CTU1: variants seen among roughly 807,000 people sequenced by gnomAD.
The protein encoded by CTU1 is cytoplasmic tRNA 2-thiolation protein 1.
In CTU1, 15 loss-of-function variants were observed where a neutral mutation model predicts 12.9. That is an observed-to-expected ratio of 1.16 (90% CI 0.78 to 1.79). CTU1 has a LOEUF of 1.79. Among genes scored for constraint, CTU1 ranks in the 40% most tolerant of loss-of-function variants. CTU1 has a pLI of 0.00. For synonymous variants in CTU1, 295 were observed against 275.6 expected, an observed-to-expected ratio of 1.07 and a Z score of -0.70; for missense variants, 553 against 550.5, an observed-to-expected ratio of 1.00 and a Z score of -0.05.
intron 2 of CTU1, among the ~76,000 whole-genome samples, chr19:51,100,844 A>G (rs1009683894): frequency 6.6e-6 from 1 of 152,176 alleles, no homozygotes; most frequent in African/African-American, 2.4e-5. Context: ...TACAGCAGCC[A>G]GAGAAAACAA....
In CTU1 at chr19:51,099,208, G is replaced by A. The variant is rs891330356; in HGVS notation, c.509-69C>T. The A allele has an allele frequency of 3.8e-5, 53 of 1,395,998 alleles. No individual in the cohort carries two copies. In the African/African-American group the frequency reaches 4.2e-4, roughly 11 times the overall value. 86.5% of individuals were successfully genotyped at this position (1,395,998 alleles called of 1,614,324 possible). On this transcript the variant is annotated intron_variant, in intron 2 of 2. Transcript: ENST00000421832. ...CGCTGCTGGCCAGGGAGCCCCCCGG[G>A]GAACCAAGGGTCCACCAGGACCCAG...
At chr19:51,101,906 G>A (rs937552526) in intron 2 of CTU1, among the ~76,000 whole-genome samples, 5 of 152,138 alleles carry the variant, frequency 3.3e-5, no homozygotes, top group Non-Finnish European at 7.4e-5. Flanking sequence ...AAATCACCTT[G>A]CAAGTCAGGG....
chr19:51,099,065 C>G lies in CTU1; in HGVS notation c.583G>C (p.Gly195Arg), dbSNP rs1427787420. ...LRGDAGRLAR[G>R]GGLGSPGEGG... ...TCGCCGGGAGAGCCCAGGCCCCCGC[C>G]CCGGGCCAGCCGCCCCGCGTCGCCC... Residue 195 changes from glycine (G) to arginine (R), a missense_variant, in exon 3 of 3, where the codon GGC becomes CGC. By Grantham distance (125) the Gly-to-Arg change is moderately radical. Around this residue, in one of 2 missense-constraint regions of CTU1, gnomAD observed 500 missense variants for 458.5 expected, o/e 1.09. Coordinates refer to ENST00000421832, the MANE Select transcript of CTU1 (RefSeq NM_145232.4). The G allele has an allele frequency of 2.0e-6, 3 of 1,520,660 alleles. No homozygotes were observed. The highest frequency in any genetic ancestry group is 4.1e-5 in the Admixed American group (2 of 48,738). The allele number at this position is 1,520,660 out of a possible 1,614,324, so 94.2% of individuals were successfully genotyped here.
At chr19:51,106,631 G>A (rs949172723) in intron 1 of CTU1, among the ~76,000 whole-genome samples, 1 of 151,608 alleles carries the variant, frequency 6.6e-6, no homozygotes, top group African/African-American at 2.4e-5. Flanking sequence ...TTAGCCACCC[G>A]AGTAACTGGG....
chr19:51,100,489 T>C (rs1384776931), intron 2 of CTU1, among the ~76,000 whole-genome samples: 2 of 152,012 alleles, frequency 1.3e-5, no homozygotes, highest in African/African-American at 4.8e-5. Flanking sequence ...CAGGCACCTG[T>C]AACCCCAGCT....
chr19:51,098,926 G>A lies in CTU1; in HGVS notation c.722C>T (p.Pro241Leu). The A allele has an allele frequency of 6.5e-7, 1 of 1,532,048 alleles. No homozygotes were observed. The highest frequency in any genetic ancestry group is 2.6e-5 in the East Asian group (1 of 39,126). The allele number at this position is 1,532,048 out of a possible 1,614,324, so 94.9% of individuals were successfully genotyped here. ...DYFSEECVYA[P>L]EAFRGHARDL... is the part of the protein sequence containing the mutation. ...CCGGGCGTGGCCGCGGAAGGCCTCG[G>A]GCGCGTAGACGCACTCCTCGGAGAA... is the stretch of plus-strand genomic sequence containing the variant. Residue 241 changes from proline to leucine, a missense_variant, in exon 3 of 3, where the codon CCC becomes CTC. Around this residue, in one of 2 missense-constraint regions of CTU1, gnomAD observed 500 missense variants for 458.5 expected, o/e 1.09. Transcript: ENST00000421832. This position sits in a 1 kb window ranked among gnomAD's most constrained non-coding sequence, Gnocchi z 4.3.
intron 2 of CTU1, among the ~76,000 whole-genome samples, chr19:51,101,717 AACG>A (rs1458700912): frequency 4.6e-5 from 7 of 152,154 alleles, no homozygotes; most frequent in African/African-American, 7.2e-5. Flanking sequence ...TGCTACTGCA[AACG>A]ACATCTCGTT....
chr19:51,106,751 C>A (rs953190002), intron 1 of CTU1, among the ~76,000 whole-genome samples: 1 of 151,336 alleles, frequency 6.6e-6, no homozygotes, highest in African/African-American at 2.4e-5. Context: ...CTCCTGACCT[C>A]AAGTGATCCG....
chr19:51,103,837 C>G (rs1308766086), intron 2 of CTU1, among the ~76,000 whole-genome samples: 1 of 152,210 alleles, frequency 6.6e-6, no homozygotes, highest in Admixed American at 6.5e-5. Context: ...CACTGCCTGG[C>G]CCCTCTGTCT....
chr19:51,106,056 A>G lies in CTU1; in HGVS notation c.-21-1466T>C, dbSNP rs571980901. On this transcript the variant is annotated intron_variant, in intron 1 of 2. Transcript: ENST00000421832. ...GCCTCCTCTACAAACACTCCTTCACATAACAGCCAGTGGGATCATGCCCTG... is the reference window on the plus strand; with the variant it reads ...GCCTCCTCTACAAACACTCCTTCACGTAACAGCCAGTGGGATCATGCCCTG... Among the ~76,000 whole-genome samples, 12 of 152,260 alleles carry G rather than the reference A, an allele frequency of 7.9e-5. No individual in the cohort carries two copies. The East Asian group carries it at 2.3e-3, about 29-fold the overall frequency.
chr19:51,104,509 A>C lies in CTU1; in HGVS notation c.61T>G (p.Ser21Ala). 1 of 1,282,888 alleles carries C rather than the reference A, an allele frequency of 7.8e-7. No homozygotes were observed. The highest frequency in any genetic ancestry group is 1.5e-5 in the African/African-American group (1 of 64,704). The allele number at this position is 1,282,888 out of a possible 1,614,324, so 79.5% of individuals were successfully genotyped here. Residue 21 changes from serine to alanine, a missense_variant, in exon 2 of 3, where the codon TCG becomes GCG. Coordinates refer to ENST00000421832, the MANE Select transcript of CTU1 (RefSeq NM_145232.4). Reference sequence around the variant, plus strand: ...CAGGCACCGCACAGCGCTTGGCCCGAGAGCGGACGGCGGAGGGCGGCGCGT... The same window carrying C: ...CAGGCACCGCACAGCGCTTGGCCCGCGAGCGGACGGCGGAGGGCGGCGCGT... The part of the protein sequence containing the change: ...AARAALRRPL[S>A]GQALCGACFC...
chr19:51,103,539 C>T (rs2091911954), intron 2 of CTU1, among the ~76,000 whole-genome samples: 1 of 144,080 alleles, frequency 6.9e-6, no homozygotes, highest in South Asian at 2.2e-4. Context: ...AAGCCGAGAT[C>T]GCACCACTGC....
chr19:51,098,754 G>A lies in CTU1; in HGVS notation c.894C>T (p.Leu298=). Residue 298 remains leucine, a synonymous_variant, in exon 3 of 3, where the codon CTC becomes CTT. Coordinates refer to ENST00000421832, the MANE Select transcript of CTU1 (RefSeq NM_145232.4). This position sits in a 1 kb window ranked among gnomAD's most constrained non-coding sequence, Gnocchi z 4.3. ...SRCGALASRA[L]CQACALLDGL... is the part of the protein sequence containing the mutation. ...CGTCCAGGAGCGCGCAGGCCTGGCA[G>A]AGCGCGCGGCTGGCCAGCGCCCCAC... 4.4e-6 allele frequency: 5 copies of A among 1,141,630 alleles called. No individual in the cohort carries two copies. Among genetic ancestry groups the A allele is most frequent in the African/African-American group, 1.7e-5 (1 of 60,408 alleles). The allele number at this position is 1,141,630 out of a possible 1,614,324, so 70.7% of individuals were successfully genotyped here. A position where few individuals can be genotyped will look rare whatever the true frequency, so the allele number is the denominator to read the frequency against.
At position 51,104,391 on chromosome 19, in the gene CTU1, C is replaced by T. The variant is rs2091914841; in HGVS notation, c.179G>A (p.Gly60Asp). Reference protein sequence around the residue: ...PGAVVAVGASGGKDSTVLAHV... With the variant: ...PGAVVAVGASDGKDSTVLAHV... ...CGCCAGCACCGTGGAGTCCTTGCCG[C>T]CCGAGGCGCCCACGGCCACCACCGC... Residue 60 changes from glycine to aspartate, a missense_variant, in exon 2 of 3, where the codon GGC becomes GAC. Transcript: ENST00000421832. 8 of 1,284,322 alleles carry T rather than the reference C, an allele frequency of 6.2e-6. No individual in the cohort carries two copies. Among genetic ancestry groups the T allele is most frequent in the African/African-American group, 3.2e-5 (2 of 62,028 alleles). The allele number at this position is 1,284,322 out of a possible 1,614,324, so 79.6% of individuals were successfully genotyped here.
chr19:51,104,712 G>C, intron 1 of CTU1, 122 bp from the exon 2 acceptor site: 1 of 739,450 alleles, frequency 1.4e-6, no homozygotes, highest in Non-Finnish European at 1.8e-6. Context: ...GTGTGCGCGA[G>C]TGGAGTAGCT....
In CTU1 at chr19:51,098,987, C is replaced by A; in HGVS notation, c.661G>T (p.Val221Leu). Residue 221 changes from valine (V) to leucine (L), a missense_variant, in exon 3 of 3, where the codon GTG (valine) becomes TTG (leucine). Physicochemically the swap from Val to Leu is conservative, Grantham distance 32 (BLOSUM62 1). Around this residue, in one of 2 missense-constraint regions of CTU1, gnomAD observed 500 missense variants for 458.5 expected, o/e 1.09. Coordinates refer to ENST00000421832, the MANE Select transcript of CTU1 (RefSeq NM_145232.4). This position sits in a 1 kb window ranked among gnomAD's most constrained non-coding sequence, Gnocchi z 4.3. ...CGGCGGAAGTGCGCGTACAGCACCACCTCCTTCTGCGAGGCGAACTGCAGC... is the reference window on the plus strand; with the variant it reads ...CGGCGGAAGTGCGCGTACAGCACCAACTCCTTCTGCGAGGCGAACTGCAGC... ...RPLQFASQKE[V>L]VLYAHFRRLD... The A allele has an allele frequency of 6.5e-7, 1 of 1,541,842 alleles. No homozygotes were observed. Among genetic ancestry groups the A allele is most frequent in the Non-Finnish European group, 8.7e-7 (1 of 1,150,170 alleles).
intron 2 of CTU1, among the ~76,000 whole-genome samples, chr19:51,102,252 C>T (rs538850260): frequency 3.3e-5 from 5 of 152,228 alleles, no homozygotes; most frequent in Non-Finnish European, 5.9e-5. Flanking sequence ...TTCCGCCTGC[C>T]TCAGCCTCCC....
In CTU1 at chr19:51,099,058, C is replaced by A; in HGVS notation, c.590G>T (p.Gly197Val). ...GDAGRLARGG[G>V]LGSPGEGGAL... ...GCCCCCCTCGCCGGGAGAGCCCAGG[C>A]CCCCGCCCCGGGCCAGCCGCCCCGC... Residue 197 changes from glycine (G) to valine (V), a missense_variant, in exon 3 of 3, where the codon GGC becomes GTC. This residue lies in a region of CTU1 where 500 missense variants were observed against 458.5 expected (regional missense o/e 1.09). Coordinates refer to ENST00000421832, the MANE Select transcript of CTU1 (RefSeq NM_145232.4). 6.6e-7 allele frequency: 1 copy of A among 1,517,466 alleles called. No individual in the cohort carries two copies. Among genetic ancestry groups the A allele is most frequent in the South Asian group, 1.2e-5 (1 of 83,658 alleles). 94.0% of individuals were successfully genotyped at this position (1,517,466 alleles called of 1,614,324 possible).
chr19:51,103,584 CAAAAAA>C (rs746986273), intron 2 of CTU1, among the ~76,000 whole-genome samples: 1 of 96,260 alleles, frequency 1.0e-5, no homozygotes, highest in Non-Finnish European at 2.1e-5. Context: ...GACTCTGTCT[CAAAAAA>C]AAAAAAAAAA....
Sources: allele counts gnomAD v4.1 joint callset (sites outside exome capture counted in the v4.1 genomes callset), GRCh38; gene constraint gnomAD v4.1.1; regional missense constraint gnomAD v4.1.1; non-coding constraint Gnocchi (gnomAD v3.1); transcripts MANE v1.5; gene names NCBI Gene and HGNC (gene_info 2026-07-23, HGNC 2026-07-21).